ANKRD11: variants seen among roughly 807,000 people sequenced by gnomAD.
The protein encoded by ANKRD11 is ankyrin repeat domain 11.
In ANKRD11, 17 loss-of-function variants were observed where a neutral mutation model predicts 195.7. That is an observed-to-expected ratio of 0.09 (90% confidence interval 0.06 to 0.13). The LOEUF (loss-of-function observed/expected upper bound fraction) is 0.13, where lower values mean the gene tolerates loss of function less well. Ranked by LOEUF, ANKRD11 falls within the 10% of genes least tolerant of loss-of-function variation. The pLI is 1.00. For missense variants in ANKRD11, 3,735 were observed against 3,566.1 expected (o/e 1.05, Z -1.21); for synonymous variants, 1,953 against 1,528.1 (o/e 1.28, Z -6.49).
At chr16:89,401,235 C>T (rs1460847808) in intron 2 of ANKRD11, among the ~76,000 whole-genome samples, 1 of 152,050 alleles carries the variant, frequency 6.6e-6, no homozygotes, top group African/African-American at 2.4e-5. Flanking sequence ...GCCGCCACCA[C>T]GCCCGGCTAA....
chr16:89,383,616 G>A (rs182369784), intron 2 of ANKRD11, among the ~76,000 whole-genome samples: 33 of 152,022 alleles, frequency 2.2e-4, no homozygotes, highest in Admixed American at 5.2e-4. Context: ...GTGTCACGTC[G>A]AGCCCCTGCC....
At chr16:89,489,485 T>C (rs1246716549) in intron 1 of ANKRD11, among the ~76,000 whole-genome samples, 1 of 135,916 alleles carries the variant, frequency 7.4e-6, no homozygotes, top group South Asian at 2.6e-4. Flanking sequence ...GCGCGCCTCC[T>C]GCAACCCCGA....
At chr16:89,441,794 C>T (rs199645463) in intron 1 of ANKRD11, among the ~76,000 whole-genome samples, 3 of 62,000 alleles carry the variant, frequency 4.8e-5, no homozygotes, top group Non-Finnish European at 1.0e-4. Context: ...AAAAAAAAAA[C>T]GCAAACCTGA....
chr16:89,447,942 C>T (rs1173232657), intron 1 of ANKRD11, among the ~76,000 whole-genome samples: 1 of 151,720 alleles, frequency 6.6e-6, no homozygotes, highest in Non-Finnish European at 1.5e-5. Flanking sequence ...GTAGCTGGGA[C>T]TACAGGCGCC....
chr16:89,341,769 A>G (rs1567673272), intron 2 of ANKRD11, among the ~76,000 whole-genome samples: 1 of 152,200 alleles, frequency 6.6e-6, no homozygotes, highest in Admixed American at 6.5e-5. Flanking sequence ...AAACGTGCAC[A>G]AACAAAAAGT....
intron 1 of ANKRD11, among the ~76,000 whole-genome samples, chr16:89,425,394 CTTACAA>C (rs1226130801): frequency 2.0e-5 from 3 of 152,278 alleles, no homozygotes; most frequent in East Asian, 1.9e-4. Flanking sequence ...GCTTAAAAAT[CTTACAA>C]TGTAACTTTA....
intron 2 of ANKRD11, chr16:89,373,597 T>C (rs2040289333): frequency 6.6e-6 from 1 of 152,306 alleles, no homozygotes; most frequent in Admixed American, 6.5e-5. Flanking sequence ...AACATCGGCA[T>C]GTGACTGAGG....
intron 2 of ANKRD11, among the ~76,000 whole-genome samples, chr16:89,402,789 G>A (rs2041751765): frequency 6.8e-6 from 1 of 147,544 alleles, no homozygotes; most frequent in South Asian, 2.2e-4. Context: ...TGTGGGATGA[G>A]GTGAGGTGGG....
At chr16:89,340,458 A>G (rs1222386015) in intron 2 of ANKRD11, among the ~76,000 whole-genome samples, 1 of 152,182 alleles carries the variant, frequency 6.6e-6, no homozygotes, top group Non-Finnish European at 1.5e-5. Flanking sequence ...TATTTTTAGT[A>G]GAGATGGGGT....
chr16:89,432,227 G>A (rs1404288519), intron 1 of ANKRD11, among the ~76,000 whole-genome samples: 4 of 137,192 alleles, frequency 2.9e-5, no homozygotes, highest in African/African-American at 8.4e-5. Flanking sequence ...GTTGTACATC[G>A]TGATGCAGTA....
At chr16:89,441,884 C>T (rs191419720) in intron 1 of ANKRD11, among the ~76,000 whole-genome samples, 9 of 151,266 alleles carry the variant, frequency 5.9e-5, no homozygotes, top group South Asian at 2.1e-4. Context: ...AGGTGGCAGC[C>T]GACTATGGCA....
intron 2 of ANKRD11, among the ~76,000 whole-genome samples, chr16:89,365,713 CG>C (rs1403858994): frequency 5.3e-5 from 8 of 152,224 alleles, no homozygotes; most frequent in South Asian, 4.1e-4. Context: ...AGAAACCCAA[CG>C]TTTTTTTTAA....
intron 2 of ANKRD11, among the ~76,000 whole-genome samples, chr16:89,372,433 G>C (rs977930691): frequency 1.3e-5 from 2 of 152,208 alleles, no homozygotes; most frequent in African/African-American, 4.8e-5. Flanking sequence ...GGCAGGCGGA[G>C]TGAGAGGCGG....
In ANKRD11 at chr16:89,291,699, G is replaced by A; in HGVS notation, c.227-516C>T. On this transcript the variant is annotated intron_variant, in intron 4 of 12. Transcript: ENST00000301030. The surrounding 1 kb of genome is among the most constrained non-coding windows in gnomAD (Gnocchi z 5.3). ...ACTGTACCTTTCTTCTTGCTTCTAGGAACCTCCATCTCATGCCATGGTGCT... is the reference window on the plus strand; with the variant it reads ...ACTGTACCTTTCTTCTTGCTTCTAGAAACCTCCATCTCATGCCATGGTGCT... 7.8e-7 allele frequency: 1 copy of A among 1,289,930 alleles called. No homozygotes were observed. The highest frequency in any genetic ancestry group is 1.0e-6 in the Non-Finnish European group (1 of 988,954). 79.9% of individuals were successfully genotyped at this position (1,289,930 alleles called of 1,614,324 possible). A position where few individuals can be genotyped will look rare whatever the true frequency, so the allele number is the denominator to read the frequency against.
intron 3 of ANKRD11, chr16:89,313,271 G>A: frequency 7.9e-7 from 1 of 1,273,402 alleles, no homozygotes; most frequent in Non-Finnish European, 1.0e-6. Context: ...GGACGACAGG[G>A]GACCCATGGG....
chr16:89,353,199 G>T (rs575512980), intron 2 of ANKRD11, among the ~76,000 whole-genome samples: 1 of 151,930 alleles, frequency 6.6e-6, no homozygotes, highest in African/African-American at 2.4e-5. Flanking sequence ...AAAATTAGCC[G>T]TGCATGGTGG....
intron 4 of ANKRD11, chr16:89,300,620 G>A: frequency 4.1e-6 from 2 of 485,176 alleles, no homozygotes; most frequent in Admixed American, 4.1e-5. Context: ...AGATACCAGT[G>A]GCTAAGTCTG....
intron 11 of ANKRD11, chr16:89,271,321 T>G (rs1328691742): frequency 3.3e-6 from 1 of 299,362 alleles, no homozygotes; most frequent in Admixed American, 4.8e-5. Context: ...CACCGCAGCC[T>G]CCACCTCCAG....
chr16:89,385,947 C>G (rs1367649998), intron 2 of ANKRD11, among the ~76,000 whole-genome samples: 1 of 152,238 alleles, frequency 6.6e-6, no homozygotes, highest in East Asian at 1.9e-4. Flanking sequence ...AAACTTAGCA[C>G]ACAGCGGACA....
Sources: gnomAD v4.1 joint callset for allele counts (sites outside exome capture counted in the v4.1 genomes callset) on GRCh38, gnomAD v4.1.1 for gene constraint, Gnocchi (gnomAD v3.1) non-coding constraint, MANE v1.5 for transcripts, NCBI Gene and HGNC (gene_info 2026-07-23, HGNC 2026-07-21) for gene names.